Variants in ADAMTSL1 observed in about 807,000 individuals in gnomAD.
ADAMTSL1 encodes the protein ADAMTS-like protein 1.
A neutral mutation model predicts 201.8 loss-of-function variants in ADAMTSL1; 126 were observed. The ratio of observed to expected loss-of-function variants is 0.62; its 90% CI spans 0.54 to 0.72. ADAMTSL1 has a LOEUF of 0.72. Among genes scored for constraint, ADAMTSL1 ranks in the 30% least tolerant of loss-of-function variants. The pLI, the probability that ADAMTSL1 is intolerant of heterozygous loss-of-function variation, is 0.00. For synonymous variants in ADAMTSL1, 1,121 were observed against 903.4 expected, an observed-to-expected ratio of 1.24 and a Z score of -4.32; for missense variants, 2,679 against 2,277.8, an observed-to-expected ratio of 1.18 and a Z score of -3.59.
intron 3 of ADAMTSL1, among the ~76,000 whole-genome samples, chr9:18,551,722 G>A (rs372307235): frequency 2.0e-5 from 3 of 151,736 alleles, no homozygotes; most frequent in Non-Finnish European, 2.9e-5. Flanking sequence ...TAGGGTCGTC[G>A]TGAGGATTTC....
In ADAMTSL1 at chr9:18,828,683, TATATATATATAAA is replaced by T. The variant is rs1824766733; in HGVS notation, c.4115-1157_4115-1145del. ...ATTTATATATATATATATATATATA[TATATATATATAAA>T]ATGTGTGTGTGTGTATATATATATA... On this transcript the variant is annotated intron_variant, in intron 22 of 28. Coordinates refer to ENST00000380548, the MANE Select transcript of ADAMTSL1 (RefSeq NM_001040272.6). 1.9e-5 allele frequency among the ~76,000 whole-genome samples: 2 copies of T among 105,838 alleles called. 1 individual carries two copies. The highest frequency in any genetic ancestry group is 5.6e-4 in the South Asian group (2 of 3,594). The allele number at this position is 105,838 out of a possible 152,430, so 69.4% of individuals were successfully genotyped here.
At chr9:17,938,487 C>T (rs554802627) in intron 1 of ADAMTSL1, among the ~76,000 whole-genome samples, 1 of 152,244 alleles carries the variant, frequency 6.6e-6, no homozygotes, top group African/African-American at 2.4e-5. Flanking sequence ...TGACCTTGTG[C>T]TTAACTCGTT....
chr9:18,275,849 G>C (rs1357634016), intron 2 of ADAMTSL1, among the ~76,000 whole-genome samples: 1 of 152,036 alleles, frequency 6.6e-6, no homozygotes, highest in East Asian at 1.9e-4. Flanking sequence ...ATGTAGGCGT[G>C]TTTCTACTTC....
intron 1 of ADAMTSL1, among the ~76,000 whole-genome samples, chr9:17,919,459 T>G (rs1460592657): frequency 1.3e-5 from 2 of 151,984 alleles, no homozygotes; most frequent in African/African-American, 4.8e-5. Context: ...AGAAATCTTG[T>G]ACCCTTTATA....
At chr9:18,399,695 C>G (rs1817910358) in intron 2 of ADAMTSL1, among the ~76,000 whole-genome samples, 1 of 151,830 alleles carries the variant, frequency 6.6e-6, no homozygotes, top group African/African-American at 2.4e-5. Flanking sequence ...TACTGTATGC[C>G]ATAGCTTTCA....
intron 23 of ADAMTSL1, among the ~76,000 whole-genome samples, chr9:18,886,203 TATATATATACAC>T (rs1298982014): frequency 7.9e-6 from 1 of 126,434 alleles, no homozygotes; most frequent in African/African-American, 3.5e-5. Flanking sequence ...TATATATATA[TATATATATACAC>T]ACACATACAT....
At chr9:18,649,874 C>G (rs561998069) in intron 7 of ADAMTSL1, among the ~76,000 whole-genome samples, 5 of 152,270 alleles carry the variant, frequency 3.3e-5, no homozygotes, top group African/African-American at 4.8e-5. Context: ...TCTGCCCGTT[C>G]TCAGATCTCC....
At chr9:18,633,312 C>T (rs570399680) in intron 5 of ADAMTSL1, among the ~76,000 whole-genome samples, 1 of 152,220 alleles carries the variant, frequency 6.6e-6, no homozygotes, top group East Asian at 1.9e-4. Flanking sequence ...CCAGTCTCGG[C>T]CGGGTGTGGT....
intron 2 of ADAMTSL1, among the ~76,000 whole-genome samples, chr9:18,417,902 CCAGA>C (rs1342455951): frequency 6.6e-6 from 1 of 152,052 alleles, no homozygotes; most frequent in Non-Finnish European, 1.5e-5. Context: ...GATACAAAAA[CCAGA>C]CAAAGATAAT....
At chr9:18,129,475 T>C (rs1231591122) in intron 1 of ADAMTSL1, among the ~76,000 whole-genome samples, 2 of 152,176 alleles carry the variant, frequency 1.3e-5, no homozygotes, top group East Asian at 3.9e-4. Context: ...TGAGAAGACC[T>C]GCTTACCTCA....
chr9:18,811,201 A>T (rs980101626), intron 20 of ADAMTSL1, among the ~76,000 whole-genome samples: 3 of 152,078 alleles, frequency 2.0e-5, no homozygotes, highest in Admixed American at 1.3e-4. Flanking sequence ...GGGAGCCTAG[A>T]TTCCCCACCA....
At chr9:18,206,972 C>G (rs1829675598) in intron 2 of ADAMTSL1, among the ~76,000 whole-genome samples, 1 of 152,028 alleles carries the variant, frequency 6.6e-6, no homozygotes, top group Non-Finnish European at 1.5e-5. Context: ...TGAGATCAGC[C>G]TGGCCAACAT....
intron 1 of ADAMTSL1, among the ~76,000 whole-genome samples, chr9:18,154,918 A>G (rs1827083964): frequency 1.3e-5 from 2 of 152,056 alleles, no homozygotes; most frequent in South Asian, 2.1e-4. Context: ...AAATACTGAT[A>G]TACATTTCTC....
rs776306103 is a variant in ADAMTSL1 at position 18,636,054 on chromosome 9, A to G, written c.676+37A>G. The G allele has an allele frequency of 3.4e-6, 5 of 1,466,896 alleles. No homozygotes were observed. The Admixed American group carries it at 9.6e-5, about 28-fold the overall frequency. The allele number at this position is 1,466,896 out of a possible 1,614,324, so 90.9% of individuals were successfully genotyped here. Reference sequence around the variant, plus strand: ...CATTGTTTTCCTTTGGGAATTGGGAATTGTAGTCATTATTATTTATTTTGT... The same window carrying G: ...CATTGTTTTCCTTTGGGAATTGGGAGTTGTAGTCATTATTATTTATTTTGT... On this transcript the variant is annotated intron_variant, in intron 6 of 28. Transcript: ENST00000380548.
At chr9:18,712,351 A>C (rs1346349177) in intron 14 of ADAMTSL1, among the ~76,000 whole-genome samples, 2 of 152,106 alleles carry the variant, frequency 1.3e-5, no homozygotes, top group Non-Finnish European at 2.9e-5. Flanking sequence ...AAACTTTGAA[A>C]AAAGATTTAG....
chr9:18,386,457 A>G (rs1726310540), intron 2 of ADAMTSL1, among the ~76,000 whole-genome samples: 1 of 152,136 alleles, frequency 6.6e-6, no homozygotes, highest in Admixed American at 6.5e-5. Flanking sequence ...TTCCCCACAA[A>G]TTTGCTATCA....
At chr9:18,084,221 A>G (rs537087321) in intron 1 of ADAMTSL1, among the ~76,000 whole-genome samples, 1 of 152,244 alleles carries the variant, frequency 6.6e-6, no homozygotes, top group South Asian at 2.1e-4. Context: ...TGTAAAATAA[A>G]ATTAAGAGGT....
At chr9:18,011,994 A>G (rs1361137123) in intron 1 of ADAMTSL1, among the ~76,000 whole-genome samples, 3 of 152,072 alleles carry the variant, frequency 2.0e-5, no homozygotes. Context: ...GTTAGCATTC[A>G]GAGTTCTAAA....
chr9:18,695,096 T>C (rs1814965496), intron 13 of ADAMTSL1, among the ~76,000 whole-genome samples: 1 of 152,196 alleles, frequency 6.6e-6, no homozygotes, highest in Admixed American at 6.5e-5. Context: ...CAAGGAGCAT[T>C]GTCCCAAGGT....
Sources: gnomAD v4.1 joint callset for allele counts (sites outside exome capture counted in the v4.1 genomes callset) on GRCh38, gnomAD v4.1.1 for gene constraint, MANE v1.5 for transcripts, NCBI Gene and HGNC (gene_info 2026-07-23, HGNC 2026-07-21) for gene names.